Variants in KIF13B observed in about 807,000 individuals in gnomAD.
KIF13B encodes kinesin-like protein KIF13B.
A neutral mutation model predicts 222.0 loss-of-function variants in KIF13B; 127 were observed. The ratio of observed to expected loss-of-function variants is 0.57; its 90% CI spans 0.50 to 0.66. The LOEUF (loss-of-function observed/expected upper bound fraction) is 0.66. Among genes scored for constraint, KIF13B ranks in the 30% least tolerant of loss-of-function variants. The pLI is 0.00. For missense variants in KIF13B, 2,173 were observed against 2,379.0 expected (o/e 0.91, Z 1.80); for synonymous variants, 976 against 919.0 (o/e 1.06, Z -1.12).
At chr8:29,216,020 C>A (rs373661381) in intron 2 of KIF13B, among the ~76,000 whole-genome samples, 1 of 152,054 alleles carries the variant, frequency 6.6e-6, no homozygotes, top group African/African-American at 2.4e-5. Flanking sequence ...TCTTTCCCAG[C>A]GGAGATGAAG....
intron 2 of KIF13B, among the ~76,000 whole-genome samples, chr8:29,209,258 G>A (rs763647639): frequency 5.3e-5 from 8 of 152,178 alleles, no homozygotes; most frequent in Admixed American, 2.6e-4. Context: ...ATGGGCAGTC[G>A]TACCCAGGCT....
At chr8:29,172,012 C>T (rs1176352938) in intron 10 of KIF13B, among the ~76,000 whole-genome samples, 12 of 151,316 alleles carry the variant, frequency 7.9e-5, no homozygotes, top group Admixed American at 2.0e-4. Context: ...TCCACCTCGG[C>T]CCCCCAAAGT....
At chr8:29,133,351 G>A (rs537327927) in intron 22 of KIF13B, among the ~76,000 whole-genome samples, 1 of 152,358 alleles carries the variant, frequency 6.6e-6, no homozygotes, top group Middle Eastern at 3.4e-3. Context: ...CACTTTGGGA[G>A]GCTGAGGTGG....
chr8:29,135,850 G>A (rs547978178), intron 21 of KIF13B, among the ~76,000 whole-genome samples: 48 of 152,260 alleles, frequency 3.2e-4, no homozygotes, highest in African/African-American at 9.4e-4. Flanking sequence ...AGCAGAGATC[G>A]CACCACTGCA....
Position 29,181,935 on chromosome 8 carries a change from G to A in KIF13B, c.569C>T (p.Ala190Val). The change falls in exon 7 of 40, where the codon GCT (alanine) becomes GTT (valine). Residue 190 changes from alanine to valine, a missense_variant. Coordinates refer to ENST00000524189, the MANE Select transcript of KIF13B (RefSeq NM_015254.4). The stretch of plus-strand genomic sequence containing the variant: ...TGTTGTTACCTTGTAGCTTGTGACA[G>A]CCAGTTTAGAAAGTCCGTCGACATA... ...GPYVDGLSKL[A>V]VTSYKDIESL... 1.2e-6 allele frequency: 2 copies of A among 1,613,016 alleles called. No homozygotes were observed. The highest frequency in any genetic ancestry group is 1.7e-6 in the Non-Finnish European group (2 of 1,179,190).
At chr8:29,197,102 C>G (rs959054606) in intron 2 of KIF13B, among the ~76,000 whole-genome samples, 15 of 151,858 alleles carry the variant, frequency 9.9e-5, no homozygotes, top group Non-Finnish European at 1.0e-4. Context: ...CTTTGGGAGG[C>G]CGAGGCGGGC....
intron 38 of KIF13B, among the ~76,000 whole-genome samples, chr8:29,074,100 G>GCCCCCA (rs1807443071): frequency 6.6e-6 from 1 of 152,040 alleles, no homozygotes; most frequent in South Asian, 2.1e-4. Context: ...TCTGTTCCCC[G>GCCCCCA]CCCCCACCCC....
At chr8:29,212,703 A>G (rs761319996) in intron 2 of KIF13B, among the ~76,000 whole-genome samples, 2 of 151,842 alleles carry the variant, frequency 1.3e-5, no homozygotes, top group Non-Finnish European at 2.9e-5. Context: ...GGTACCTAAA[A>G]GTAGAACAGC....
At chr8:29,206,594 T>A (rs919383086) in intron 2 of KIF13B, among the ~76,000 whole-genome samples, 19 of 152,190 alleles carry the variant, frequency 1.2e-4, no homozygotes, top group African/African-American at 4.6e-4. Context: ...GGTTTTCACC[T>A]TGAAATGTCT....
chr8:29,154,829 C>T (rs937464937), intron 14 of KIF13B, among the ~76,000 whole-genome samples: 10 of 152,322 alleles, frequency 6.6e-5, no homozygotes, highest in African/African-American at 2.2e-4. Context: ...CCAGCTTCTG[C>T]TCCTGTTTTC....
At chr8:29,241,709 A>G (rs950793721) in intron 2 of KIF13B, among the ~76,000 whole-genome samples, 6 of 82,958 alleles carry the variant, frequency 7.2e-5, no homozygotes, top group African/African-American at 3.7e-4. Context: ...AGGGAGGGAA[A>G]AAAAAAAAAA....
At chr8:29,210,502 A>G (rs1283888680) in intron 2 of KIF13B, among the ~76,000 whole-genome samples, 2 of 152,220 alleles carry the variant, frequency 1.3e-5, no homozygotes, top group Non-Finnish European at 2.9e-5. Flanking sequence ...TGAGCCCAAG[A>G]AAGCATCTTC....
At chr8:29,149,605 A>G (rs1176622566) in intron 15 of KIF13B, among the ~76,000 whole-genome samples, 1 of 152,082 alleles carries the variant, frequency 6.6e-6, no homozygotes, top group African/African-American at 2.4e-5. Context: ...ATTGCTGGGG[A>G]CTCTGGGAAG....
intron 2 of KIF13B, among the ~76,000 whole-genome samples, chr8:29,211,168 T>C (rs767476093): frequency 3.9e-5 from 6 of 152,242 alleles, no homozygotes; most frequent in Non-Finnish European, 7.3e-5. Context: ...AAAGCACCAT[T>C]TGCTGGTAAG....
chr8:29,202,127 T>C (rs1813719144), intron 2 of KIF13B, among the ~76,000 whole-genome samples: 1 of 152,110 alleles, frequency 6.6e-6, no homozygotes, highest in Non-Finnish European at 1.5e-5. Flanking sequence ...CGGGGGGATT[T>C]GAAAACTCTA....
chr8:29,209,985 G>C (rs1258741538), intron 2 of KIF13B, among the ~76,000 whole-genome samples: 1 of 151,842 alleles, frequency 6.6e-6, no homozygotes, highest in Non-Finnish European at 1.5e-5. Context: ...GAGACCAGTT[G>C]GTCAAGGCTG....
intron 22 of KIF13B, 90 bp from the exon 23 acceptor site, chr8:29,132,555 A>G (rs897571749): frequency 1.1e-5 from 9 of 810,590 alleles, no homozygotes; most frequent in Non-Finnish European, 1.5e-5. Context: ...TAATTATATC[A>G]GGGAAAAAAA....
At chr8:29,258,969 G>A (rs1816585587) in intron 1 of KIF13B, among the ~76,000 whole-genome samples, 1 of 152,006 alleles carries the variant, frequency 6.6e-6, no homozygotes, top group Non-Finnish European at 1.5e-5. Context: ...AAACTTTTAG[G>A]AAGTAAAATC....
chr8:29,239,545 G>A (rs1231396781), intron 2 of KIF13B, among the ~76,000 whole-genome samples: 1 of 152,226 alleles, frequency 6.6e-6, no homozygotes, highest in Non-Finnish European at 1.5e-5. Context: ...GGGAACGGAA[G>A]GAGGAGGAGG....
Sources: allele counts gnomAD v4.1 joint callset (sites outside exome capture counted in the v4.1 genomes callset), GRCh38; gene constraint gnomAD v4.1.1; transcripts MANE v1.5; gene names NCBI Gene and HGNC (gene_info 2026-07-23, HGNC 2026-07-21).